The following NDST3 variants were observed in gnomAD, a reference collection of about 807,000 sequenced individuals.
NDST3 encodes bifunctional heparan sulfate N-deacetylase/N-sulfotransferase 3.
In NDST3, 58 loss-of-function variants were observed where a neutral mutation model predicts 96.1. That is an observed-to-expected ratio of 0.60 (90% CI 0.49 to 0.75). The LOEUF is 0.75. NDST3 is among the 30% of genes least tolerant of loss of function. NDST3 has a pLI of 0.00. For missense variants in NDST3, 788 were observed against 1,034.2 expected, an observed-to-expected ratio of 0.76 and a Z score of 3.27; for synonymous variants, 333 against 359.7, an observed-to-expected ratio of 0.93 and a Z score of 0.84.
chr4:118,188,976 T>C (rs1737135816), intron 6 of NDST3, among the ~76,000 whole-genome samples: 1 of 152,190 alleles, frequency 6.6e-6, no homozygotes, highest in African/African-American at 2.4e-5. Flanking sequence ...CATAACTGTG[T>C]AGCATATACT....
At chr4:118,140,813 C>G (rs1733511720) in intron 5 of NDST3, among the ~76,000 whole-genome samples, 1 of 152,186 alleles carries the variant, frequency 6.6e-6, no homozygotes, top group Non-Finnish European at 1.5e-5. Context: ...ATGTGGGAAA[C>G]TGTCCCCATG....
intron 13 of NDST3, among the ~76,000 whole-genome samples, chr4:118,255,217 T>A (rs1167593314): frequency 6.6e-6 from 1 of 152,202 alleles, no homozygotes; most frequent in Non-Finnish European, 1.5e-5. Flanking sequence ...TTTCAGGATA[T>A]CCTTCCTTCT....
intron 6 of NDST3, among the ~76,000 whole-genome samples, chr4:118,191,839 A>G (rs2125966158): frequency 6.6e-6 from 1 of 152,308 alleles, no homozygotes; most frequent in South Asian, 2.1e-4. Flanking sequence ...AGCCTATTTT[A>G]AGTTTTCTGA....
chr4:118,194,704 CG>C, intron 6 of NDST3: 1 of 569,206 alleles, frequency 1.8e-6, no homozygotes, highest in Middle Eastern at 5.2e-4. Flanking sequence ...TGGGAAGAGG[CG>C]CCAACTGTGT....
At chr4:118,110,913 T>G (rs556696358) in intron 3 of NDST3, among the ~76,000 whole-genome samples, 1 of 152,066 alleles carries the variant, frequency 6.6e-6, no homozygotes, top group Admixed American at 6.6e-5. Context: ...GGAATGAACC[T>G]AGGTGTCCAT....
At chr4:118,199,387 A>G (rs1044393958) in intron 6 of NDST3, among the ~76,000 whole-genome samples, 2 of 152,160 alleles carry the variant, frequency 1.3e-5, no homozygotes, top group African/African-American at 4.8e-5. Flanking sequence ...TTTCAACTCC[A>G]GAATTTCTGC....
At chr4:118,167,886 A>G (rs190529722) in intron 6 of NDST3, among the ~76,000 whole-genome samples, 9 of 152,096 alleles carry the variant, frequency 5.9e-5, no homozygotes, top group Admixed American at 4.6e-4. Context: ...GACCCTTATC[A>G]TACACCATAC....
At chr4:118,186,160 G>C (rs565421439) in intron 6 of NDST3, among the ~76,000 whole-genome samples, 60 of 152,186 alleles carry the variant, frequency 3.9e-4, no homozygotes, top group African/African-American at 1.4e-3. Context: ...CTTCCTTAAA[G>C]TTTCAGTTTG....
intron 4 of NDST3, among the ~76,000 whole-genome samples, chr4:118,128,675 C>T (rs1461731579): frequency 3.3e-5 from 5 of 151,704 alleles, no homozygotes; most frequent in African/African-American, 4.8e-5. Context: ...TATCTGGTTT[C>T]GGTATCAGGA....
chr4:118,043,548 A>C (rs1231567511), intron 1 of NDST3, among the ~76,000 whole-genome samples: 1 of 152,232 alleles, frequency 6.6e-6, no homozygotes, highest in Non-Finnish European at 1.5e-5. Flanking sequence ...ACCACAGGGC[A>C]ATTGTGGCGA....
chr4:118,189,222 T>C (rs1326623557), intron 6 of NDST3, among the ~76,000 whole-genome samples: 1 of 152,040 alleles, frequency 6.6e-6, no homozygotes, highest in Non-Finnish European at 1.5e-5. Flanking sequence ...GCTAAGTTTT[T>C]GTATTTTTAG....
chr4:118,245,048 A>G (rs1028795519), intron 12 of NDST3, among the ~76,000 whole-genome samples: 1 of 152,144 alleles, frequency 6.6e-6, no homozygotes, highest in Non-Finnish European at 1.5e-5. Flanking sequence ...ATATATTAAC[A>G]TTACTTTAGT....
At chr4:118,093,848 G>A (rs1023881808) in intron 2 of NDST3, among the ~76,000 whole-genome samples, 2 of 151,732 alleles carry the variant, frequency 1.3e-5, no homozygotes, top group African/African-American at 4.8e-5. Context: ...TTTAGTTCTG[G>A]GAGCTGGAAA....
intron 6 of NDST3, among the ~76,000 whole-genome samples, chr4:118,166,164 G>T (rs1230214745): frequency 2.6e-5 from 4 of 151,440 alleles, no homozygotes; most frequent in Non-Finnish European, 4.4e-5. Flanking sequence ...CAAACCTTTA[G>T]TTACTAACAA....
At chr4:118,039,117 T>C (rs948086429) in intron 1 of NDST3, among the ~76,000 whole-genome samples, 13 of 152,230 alleles carry the variant, frequency 8.5e-5, no homozygotes, top group African/African-American at 2.9e-4. Flanking sequence ...TGGTGGAGTC[T>C]TTTTAAAAAC....
chr4:118,226,355 A>G (rs192788439), intron 7 of NDST3, among the ~76,000 whole-genome samples: 10 of 152,280 alleles, frequency 6.6e-5, no homozygotes, highest in Admixed American at 2.6e-4. Flanking sequence ...CATAGTCTAT[A>G]AAGTTACATT....
chr4:118,159,401 A>T (rs1734941734), intron 6 of NDST3, among the ~76,000 whole-genome samples: 1 of 152,182 alleles, frequency 6.6e-6, no homozygotes, highest in Non-Finnish European at 1.5e-5. Context: ...CACAGACTAG[A>T]GGTGAGAGGA....
At chr4:118,145,802 A>C (rs1733897482) in intron 6 of NDST3, among the ~76,000 whole-genome samples, 1 of 152,162 alleles carries the variant, frequency 6.6e-6, no homozygotes, top group African/African-American at 2.4e-5. Context: ...TTCAGAAAAA[A>C]ATCCCTAGAC....
chr4:118,157,457 ACTCTGTTACC>A lies in NDST3; in HGVS notation c.1539+13774_1539+13783del, dbSNP rs1215517217. Reference sequence around the variant, plus strand: ...TTTTTTTTTTTTGAGACAGAGTCTCACTCTGTTACCAAGGCTGGAGTGCAGTGGCGTGATC... The same window carrying A: ...TTTTTTTTTTTTGAGACAGAGTCTCAAAGGCTGGAGTGCAGTGGCGTGATC... On this transcript the variant is annotated intron_variant, in intron 6 of 13. Coordinates refer to ENST00000296499, the MANE Select transcript of NDST3 (RefSeq NM_004784.3). Among the ~76,000 whole-genome samples the A allele has an allele frequency of 6.5e-4, 94 of 145,660 alleles. 1 individual carries two copies. The highest frequency in any genetic ancestry group is 2.3e-3 in the African/African-American group (92 of 39,202).
Sources: allele counts gnomAD v4.1 joint callset (sites outside exome capture counted in the v4.1 genomes callset), GRCh38; gene constraint gnomAD v4.1.1; transcripts MANE v1.5; gene names NCBI Gene and HGNC (gene_info 2026-07-23, HGNC 2026-07-21).